The following LDB2 variants were observed in gnomAD, a reference collection of about 807,000 sequenced individuals.
LDB2 encodes LIM domain binding 2.
LDB2 carries 12 observed loss-of-function variants against 44.3 expected under a neutral mutation model. That is an observed-to-expected ratio of 0.27 (90% CI 0.17 to 0.44). The LOEUF (loss-of-function observed/expected upper bound fraction) is 0.44, where lower values mean the gene tolerates loss of function less well. LDB2 is among the 20% of genes least tolerant of loss of function. The probability of loss-of-function intolerance (pLI) is 1.00; values close to 1 mark genes in which losing one functional copy is unlikely to be tolerated. For synonymous variants in LDB2, 164 were observed against 174.8 expected (o/e 0.94, Z 0.49); for missense variants, 344 against 473.5 (o/e 0.73, Z 2.54).
chr4:16,861,927 T>G (rs569101149), intron 1 of LDB2, among the ~76,000 whole-genome samples: 310 of 152,340 alleles, frequency 2.0e-3, no homozygotes, highest in Non-Finnish European at 3.3e-3. Context: ...TTAGTGGAAC[T>G]AAATTGACTC....
rs978561606 is a variant in LDB2 at position 16,754,148 on chromosome 4, C to G, written c.235+5010G>C. On this transcript the variant is annotated intron_variant, in intron 2 of 7. Transcript: ENST00000304523. ...TAACCAAGTGTTCTGGAGTCTTCTG[C>G]CCCACACATTCTTAATCACTGTTCC... Among the ~76,000 whole-genome samples, 3 of 152,220 alleles carry G rather than the reference C, an allele frequency of 2.0e-5. No homozygotes were observed. In the East Asian group the frequency reaches 5.8e-4, roughly 29 times the overall value.
chr4:16,806,753 C>T (rs1261377519), intron 1 of LDB2, among the ~76,000 whole-genome samples: 1 of 152,142 alleles, frequency 6.6e-6, no homozygotes, highest in Non-Finnish European at 1.5e-5. Context: ...TTGCATGCAA[C>T]TTAGGAGTAA....
chr4:16,615,440 A>G (rs867745504), intron 2 of LDB2, among the ~76,000 whole-genome samples: 2 of 152,230 alleles, frequency 1.3e-5, no homozygotes, highest in Non-Finnish European at 2.9e-5. Flanking sequence ...AAAGAATGAG[A>G]TCATGTCCTT....
chr4:16,875,397 C>T (rs574027776), intron 1 of LDB2, among the ~76,000 whole-genome samples: 66 of 152,026 alleles, frequency 4.3e-4, no homozygotes, highest in Non-Finnish European at 6.2e-4. Context: ...TGGCCTACTC[C>T]GGACCAACTG....
At chr4:16,795,385 G>A (rs893144482) in intron 1 of LDB2, among the ~76,000 whole-genome samples, 18 of 152,160 alleles carry the variant, frequency 1.2e-4, no homozygotes, top group Non-Finnish European at 1.3e-4. Context: ...TGCCAGGAAC[G>A]TGCAAGTGCA....
At chr4:16,574,523 T>C (rs1446957130) in intron 5 of LDB2, among the ~76,000 whole-genome samples, 1 of 152,144 alleles carries the variant, frequency 6.6e-6, no homozygotes, top group African/African-American at 2.4e-5. Context: ...CTTCCTGGAG[T>C]AGTAATTTAC....
chr4:16,719,758 T>C (rs1478068621), intron 2 of LDB2, among the ~76,000 whole-genome samples: 1 of 152,136 alleles, frequency 6.6e-6, no homozygotes, highest in African/African-American at 2.4e-5. Flanking sequence ...TCCTAAGTGT[T>C]GTTTTTTATC....
At chr4:16,629,723 C>G (rs1731342940) in intron 2 of LDB2, among the ~76,000 whole-genome samples, 1 of 151,936 alleles carries the variant, frequency 6.6e-6, no homozygotes, top group Non-Finnish European at 1.5e-5. Context: ...CTAGAATAAC[C>G]AGTGTACAGA....
At chr4:16,781,967 G>C (rs1369182974) in intron 1 of LDB2, among the ~76,000 whole-genome samples, 1 of 152,200 alleles carries the variant, frequency 6.6e-6, no homozygotes, top group Non-Finnish European at 1.5e-5. Flanking sequence ...AAAGTTCTCA[G>C]AAGGAACCAA....
chr4:16,662,738 G>A (rs531895835), intron 2 of LDB2, among the ~76,000 whole-genome samples: 5 of 152,096 alleles, frequency 3.3e-5, no homozygotes, highest in South Asian at 2.1e-4. Context: ...TCTCTTGCCT[G>A]TTGCCATGTA....
At chr4:16,574,965 C>A (rs751321136) in intron 5 of LDB2, among the ~76,000 whole-genome samples, 14 of 152,020 alleles carry the variant, frequency 9.2e-5, no homozygotes, top group East Asian at 1.9e-4. Flanking sequence ...TTGTCTTCTT[C>A]TTATTATTAT....
intron 1 of LDB2, among the ~76,000 whole-genome samples, chr4:16,789,842 G>T (rs1220585873): frequency 6.6e-6 from 1 of 152,208 alleles, no homozygotes; most frequent in African/African-American, 2.4e-5. Context: ...TGAGGCAGGA[G>T]AATCACTTGA....
intron 2 of LDB2, among the ~76,000 whole-genome samples, chr4:16,630,910 C>A (rs534148305): frequency 6.6e-6 from 1 of 152,252 alleles, no homozygotes; most frequent in South Asian, 2.1e-4. Context: ...TATATGCACC[C>A]AATACGGGAG....
intron 2 of LDB2, among the ~76,000 whole-genome samples, chr4:16,660,865 T>C (rs1281490595): frequency 1.3e-5 from 2 of 152,158 alleles, no homozygotes; most frequent in African/African-American, 4.8e-5. Context: ...CATAAATCAG[T>C]TGGAGTGTGG....
At chr4:16,888,722 G>T (rs564802450) in intron 1 of LDB2, 1 of 983,724 alleles carries the variant, frequency 1.0e-6, no homozygotes, top group African/African-American at 1.8e-5. Context: ...CGTCGTCATC[G>T]TCGTCATCAT....
chr4:16,574,571 A>T (rs765453763), intron 5 of LDB2, among the ~76,000 whole-genome samples: 9 of 152,112 alleles, frequency 5.9e-5, no homozygotes, highest in Non-Finnish European at 8.8e-5. Flanking sequence ...TATTATTTTC[A>T]CCCTCAACCT....
At chr4:16,674,314 G>A (rs2152561538) in intron 2 of LDB2, 5 of 1,249,730 alleles carry the variant, frequency 4.0e-6, no homozygotes, top group Non-Finnish European at 5.2e-6. Context: ...GCCGCTGAAT[G>A]CACAACTGCA....
In LDB2 at chr4:16,533,761, A is replaced by G. The variant is rs949134947; in HGVS notation, c.616-21657T>C. The stretch of plus-strand genomic sequence containing the variant: ...TCCATTTTGGGGTTGCATAAAAACA[A>G]CAATTCCTGGAAAGGTGAAATTTTT... On this transcript the variant is annotated intron_variant, in intron 5 of 7. Transcript: ENST00000304523. The surrounding 1 kb of genome is among the most constrained non-coding windows in gnomAD (Gnocchi z 4.1). Among the ~76,000 whole-genome samples, 3 of 152,306 alleles carry G rather than the reference A, an allele frequency of 2.0e-5. No homozygotes were observed. The highest frequency in any genetic ancestry group is 2.1e-4 in the South Asian group (1 of 4,816).
At chr4:16,619,229 G>T (rs781543207) in intron 2 of LDB2, among the ~76,000 whole-genome samples, 2 of 152,054 alleles carry the variant, frequency 1.3e-5, no homozygotes, top group African/African-American at 4.8e-5. Context: ...TAGGTAACAC[G>T]CTGGCTGCCT....
Sources: gnomAD v4.1 joint callset for allele counts (sites outside exome capture counted in the v4.1 genomes callset) on GRCh38, gnomAD v4.1.1 for gene constraint, Gnocchi (gnomAD v3.1) non-coding constraint, MANE v1.5 for transcripts, NCBI Gene and HGNC (gene_info 2026-07-23, HGNC 2026-07-21) for gene names.